The following RAMP1 variants were observed in gnomAD, a reference collection of about 807,000 sequenced individuals.
RAMP1 encodes the protein receptor activity modifying protein 1.
A neutral mutation model predicts 8.2 loss-of-function variants in RAMP1; 7 were observed. The ratio of observed to expected loss-of-function variants is 0.85; its 90% confidence interval spans 0.49 to 1.60. RAMP1 has a LOEUF of 1.60. Ranked by LOEUF, RAMP1 falls within the 40% of genes most tolerant of loss-of-function variation. RAMP1 has a pLI of 0.00. For synonymous variants in RAMP1, 92 were observed against 84.7 expected (o/e 1.09, Z -0.47); for missense variants, 192 against 202.4 (o/e 0.95, Z 0.31).
chr2:237,880,076 C>T (rs914962323), intron 2 of RAMP1, among the ~76,000 whole-genome samples: 1 of 152,000 alleles, frequency 6.6e-6, no homozygotes, highest in Non-Finnish European at 1.5e-5. Context: ...CACGTCAGCC[C>T]AGGCCTGCCA....
chr2:237,899,509 T>C (rs2062577252), intron 2 of RAMP1, among the ~76,000 whole-genome samples: 1 of 152,262 alleles, frequency 6.6e-6, no homozygotes, highest in African/African-American at 2.4e-5. Flanking sequence ...TACATTTTTT[T>C]CCCATGGTGT....
intron 2 of RAMP1, among the ~76,000 whole-genome samples, chr2:237,888,063 T>G (rs971493056): frequency 3.6e-4 from 55 of 151,254 alleles, no homozygotes; most frequent in Non-Finnish European, 5.0e-4. Context: ...TTCTGGGGGG[T>G]TTTTTTTTGA....
At chr2:237,885,609 T>TG (rs2062420047) in intron 2 of RAMP1, among the ~76,000 whole-genome samples, 1 of 152,218 alleles carries the variant, frequency 6.6e-6, no homozygotes, top group African/African-American at 2.4e-5. Flanking sequence ...CAGATGGCAG[T>TG]GCCCAGCACA....
chr2:237,911,476 C>T (rs2062711472), intron 2 of RAMP1, 52 bp from the exon 3 acceptor site: 4 of 1,598,560 alleles, frequency 2.5e-6, no homozygotes, highest in Middle Eastern at 2.1e-4. Flanking sequence ...TGGGGTCCCG[C>T]GTTGGATCCC....
At chr2:237,860,357 G>A (rs1245594512) in intron 1 of RAMP1, among the ~76,000 whole-genome samples, 1 of 152,050 alleles carries the variant, frequency 6.6e-6, no homozygotes, top group Non-Finnish European at 1.5e-5. Context: ...TTGTTAACTT[G>A]GCACTTTTGG....
intron 1 of RAMP1, 150 bp downstream of exon 1, chr2:237,859,877 GC>G: frequency 2.7e-6 from 2 of 751,292 alleles, no homozygotes; most frequent in Non-Finnish European, 3.8e-6. Flanking sequence ...AACGCGGGCC[GC>G]CCCGGTTCCA....
chr2:237,898,945 G>A (rs187764966), intron 2 of RAMP1, among the ~76,000 whole-genome samples: 301 of 152,336 alleles, frequency 2.0e-3, no homozygotes, highest in African/African-American at 6.7e-3. Context: ...GACACCAAAG[G>A]CAGAAACCAC....
At chr2:237,880,231 A>T (rs1444028402) in intron 2 of RAMP1, among the ~76,000 whole-genome samples, 1 of 152,126 alleles carries the variant, frequency 6.6e-6, no homozygotes, top group African/African-American at 2.4e-5. Context: ...GAGATGGGAG[A>T]TGCGGGATCA....
At chr2:237,886,339 C>T (rs947720213) in intron 2 of RAMP1, among the ~76,000 whole-genome samples, 5 of 152,198 alleles carry the variant, frequency 3.3e-5, no homozygotes, top group African/African-American at 4.8e-5. Context: ...CCTTGGCAGC[C>T]GCCCCTGGAA....
At chr2:237,902,437 A>G (rs1165365514) in intron 2 of RAMP1, among the ~76,000 whole-genome samples, 2 of 150,826 alleles carry the variant, frequency 1.3e-5, no homozygotes. Context: ...AGGGAACAGG[A>G]GGACCAGGAG....
At chr2:237,911,202 G>C (rs557383709) in intron 2 of RAMP1, among the ~76,000 whole-genome samples, 2 of 151,924 alleles carry the variant, frequency 1.3e-5, no homozygotes, top group Non-Finnish European at 2.9e-5. Flanking sequence ...GAAGGAGCTG[G>C]TGGCAGAGGA....
intron 1 of RAMP1, among the ~76,000 whole-genome samples, chr2:237,867,182 C>T (rs975611939): frequency 1.3e-5 from 2 of 152,096 alleles, no homozygotes; most frequent in South Asian, 2.1e-4. Context: ...TTGCAATGAA[C>T]CAAGATCACA....
At chr2:237,883,605 C>T (rs1276121326) in intron 2 of RAMP1, among the ~76,000 whole-genome samples, 2 of 152,066 alleles carry the variant, frequency 1.3e-5, no homozygotes, top group Non-Finnish European at 2.9e-5. Context: ...TACTTAAGCC[C>T]AGGAGTGTGA....
chr2:237,877,327 G>C lies in RAMP1; in HGVS notation c.156G>C (p.Gly52=). 1 of 1,613,940 alleles carries C rather than the reference G, an allele frequency of 6.2e-7. No homozygotes were observed. The highest frequency in any genetic ancestry group is 8.5e-7 in the Non-Finnish European group (1 of 1,179,954). The change falls in exon 2 of 3, where the codon GGG becomes GGC. Residue 52 remains glycine (G), a synonymous_variant. Coordinates refer to ENST00000254661, the MANE Select transcript of RAMP1 (RefSeq NM_005855.4). The surrounding 1 kb of genome is among the most constrained non-coding windows in gnomAD (Gnocchi z 4.4). ...TCCAGGTAGACATGGAGGCCGTCGGGGAGACGCTGTGGTGTGACTGGGGCA... is the reference window on the plus strand; with the variant it reads ...TCCAGGTAGACATGGAGGCCGTCGGCGAGACGCTGTGGTGTGACTGGGGCA... ...TQFQVDMEAV[G]ETLWCDWGRT...
chr2:237,873,133 A>G (rs1576537087), intron 1 of RAMP1, among the ~76,000 whole-genome samples: 1 of 152,190 alleles, frequency 6.6e-6, no homozygotes, highest in South Asian at 2.1e-4. Flanking sequence ...GGGAGCAGGG[A>G]GGCTTCAGGA....
At position 237,911,960 on chromosome 2, in the gene RAMP1, C is replaced by A. The variant is rs2062720996; in HGVS notation, c.*177C>A. On this transcript the variant is annotated 3_prime_UTR_variant, in exon 3 of 3. Transcript: ENST00000254661. ...CGAGGCTCTGGTATTAACCTGGAAG[C>A]CCCCCTGGCTGGAGGCCACCGCCAC... The A allele has an allele frequency of 8.8e-7, 1 of 1,141,262 alleles. No individual in the cohort carries two copies. Among genetic ancestry groups the A allele is most frequent in the East Asian group, 2.6e-5 (1 of 38,440 alleles). The allele number at this position is 1,141,262 out of a possible 1,614,324, so 70.7% of individuals were successfully genotyped here. A position where few individuals can be genotyped will look rare whatever the true frequency, so the allele number is the denominator to read the frequency against.
chr2:237,895,594 C>G (rs1189993354), intron 2 of RAMP1, among the ~76,000 whole-genome samples: 1 of 152,176 alleles, frequency 6.6e-6, no homozygotes, highest in African/African-American at 2.4e-5. Context: ...GAACAGGGAC[C>G]AGCATGGTGC....
chr2:237,906,430 C>T (rs928937962), intron 2 of RAMP1, among the ~76,000 whole-genome samples: 2 of 152,148 alleles, frequency 1.3e-5, no homozygotes, highest in African/African-American at 2.4e-5. Flanking sequence ...GCTGGGATGC[C>T]GGAGAGGCCC....
In RAMP1 at chr2:237,878,949, C is replaced by A. The variant is rs1010823504; in HGVS notation, c.191+1587C>A. 2.0e-5 allele frequency among the ~76,000 whole-genome samples: 3 copies of A among 152,236 alleles called. No individual in the cohort carries two copies. Among genetic ancestry groups the A allele is most frequent in the Admixed American group, 1.3e-4 (2 of 15,290 alleles). On this transcript the variant is annotated intron_variant, in intron 2 of 2. Transcript: ENST00000254661. The surrounding 1 kb of genome is among the most constrained non-coding windows in gnomAD (Gnocchi z 5.7). ...CAGTGAACCAGGGAGCCCACCCCAA[C>A]CCTCTGGGGTCTCCAGGGGCCCTGT...
Sources: allele counts gnomAD v4.1 joint callset (sites outside exome capture counted in the v4.1 genomes callset), GRCh38; gene constraint gnomAD v4.1.1; non-coding constraint Gnocchi (gnomAD v3.1); transcripts MANE v1.5; gene names NCBI Gene and HGNC (gene_info 2026-07-23, HGNC 2026-07-21).